NEK5: variants seen among roughly 807,000 people sequenced by gnomAD.
The protein encoded by NEK5 is serine/threonine-protein kinase Nek5.
NEK5 carries 88 observed loss-of-function variants against 109.2 expected under a neutral mutation model. The ratio of observed to expected loss-of-function variants is 0.81; its 90% confidence interval spans 0.68 to 0.96. The LOEUF (loss-of-function observed/expected upper bound fraction) is 0.96, where lower values mean the gene tolerates loss of function less well. NEK5 is among the 40% of genes least tolerant of loss of function. The pLI is 0.00. For missense variants in NEK5, 834 were observed against 920.7 expected, an observed-to-expected ratio of 0.91 and a Z score of 1.22; for synonymous variants, 283 against 299.9, an observed-to-expected ratio of 0.94 and a Z score of 0.58.
intron 21 of NEK5, 94 bp downstream of exon 21, chr13:52,065,390 T>C (rs1166060783): frequency 2.6e-6 from 4 of 1,532,930 alleles, no homozygotes; most frequent in African/African-American, 1.4e-5. Flanking sequence ...ATAGGGTGTA[T>C]AGTGAGAAGT....
intron 23 of NEK5, among the ~76,000 whole-genome samples, chr13:52,038,374 G>A (rs1188773895): frequency 2.0e-5 from 3 of 152,132 alleles, no homozygotes; most frequent in African/African-American, 4.8e-5. Flanking sequence ...AGAAAGAGCT[G>A]ATAAGAGCCA....
At chr13:52,119,251 A>C (rs1220993653) in intron 4 of NEK5, 68 bp downstream of exon 4, 1 of 828,166 alleles carries the variant, frequency 1.2e-6, no homozygotes, top group East Asian at 2.6e-5. Context: ...CTTAGGAACA[A>C]ATCTTTTTAC....
chr13:52,061,200 G>C (rs766246495), intron 22 of NEK5, among the ~76,000 whole-genome samples: 1 of 152,176 alleles, frequency 6.6e-6, no homozygotes. Context: ...ACACAGCGTA[G>C]ATCTCTCACA....
At chr13:52,127,746 A>C (rs1010856080) in intron 1 of NEK5, 84 bp from the exon 2 acceptor site, 1 of 352,804 alleles carries the variant, frequency 2.8e-6, no homozygotes, top group Non-Finnish European at 5.1e-6. Context: ...CGGGTAAGTC[A>C]CTTAACCTGG....
At chr13:52,077,605 C>G (rs192495248) in intron 17 of NEK5, among the ~76,000 whole-genome samples, 5 of 152,248 alleles carry the variant, frequency 3.3e-5, no homozygotes, top group African/African-American at 9.6e-5. Flanking sequence ...GAGAGCTGCA[C>G]AGAGAGAACT....
chr13:52,052,550 T>C (rs1954516568), intron 22 of NEK5, among the ~76,000 whole-genome samples: 1 of 152,202 alleles, frequency 6.6e-6, no homozygotes, highest in Non-Finnish European at 1.5e-5. Flanking sequence ...TTTCCCTCTT[T>C]GTGGGGGACC....
intron 17 of NEK5, among the ~76,000 whole-genome samples, chr13:52,081,056 G>C (rs1955002929): frequency 6.6e-6 from 1 of 151,900 alleles, no homozygotes; most frequent in African/African-American, 2.4e-5. Context: ...TGAGCAATGA[G>C]GCTGGAACAT....
rs1196176840 is a variant in NEK5 at position 52,087,423 on chromosome 13, T to C, written c.1307A>G (p.Tyr436Cys). The change falls in exon 15 of 24, where the codon TAC (tyrosine) becomes TGC (cysteine). Residue 436 changes from tyrosine (Y) to cysteine (C), a missense_variant. Physicochemically the swap from Tyr to Cys is radical, Grantham distance 194. Transcript: ENST00000684899. ...GLRPSSAEPN[Y>C]NQRQELRSNG... ...ACTTCTTAGCTCTTGTCTCTGGTTG[T>C]AATTTGGCTCGGCAGAAGATGGACG... 3.1e-6 allele frequency: 5 copies of C among 1,610,358 alleles called. No homozygotes were observed. The highest frequency in any genetic ancestry group is 4.2e-6 in the Non-Finnish European group (5 of 1,177,132).
intron 11 of NEK5, among the ~76,000 whole-genome samples, chr13:52,100,131 G>T (rs961837816): frequency 6.6e-6 from 1 of 151,936 alleles, no homozygotes; most frequent in African/African-American, 2.4e-5. Context: ...CAGAAAAATA[G>T]AAATTAATAT....
chr13:52,107,813 C>T (rs2138046274), intron 8 of NEK5, among the ~76,000 whole-genome samples: 1 of 152,228 alleles, frequency 6.6e-6, no homozygotes, highest in East Asian at 1.9e-4. Context: ...TGCAGGAACT[C>T]CCTAAACCTC....
chr13:52,093,664 CT>C (rs911352553), intron 12 of NEK5, among the ~76,000 whole-genome samples: 15 of 151,974 alleles, frequency 9.9e-5, no homozygotes, highest in Middle Eastern at 3.4e-3. Flanking sequence ...TTCTTCTATA[CT>C]TTTTTTTCCA....
intron 12 of NEK5, among the ~76,000 whole-genome samples, chr13:52,097,005 C>T (rs1055188098): frequency 6.6e-5 from 10 of 152,178 alleles, no homozygotes; most frequent in African/African-American, 1.9e-4. Context: ...ATGGTTAAAA[C>T]GGCCCAAGGT....
chr13:52,058,331 T>C (rs61958809), intron 22 of NEK5, among the ~76,000 whole-genome samples: 59,168 of 144,772 alleles, frequency 0.41, 13,800 homozygotes, highest in Non-Finnish European at 0.53. Flanking sequence ...GAACATTCTA[T>C]GCTCATGGGT....
At chr13:52,117,502 T>C (rs1223023414) in intron 4 of NEK5, among the ~76,000 whole-genome samples, 2 of 152,206 alleles carry the variant, frequency 1.3e-5, no homozygotes, top group Non-Finnish European at 2.9e-5. Flanking sequence ...GCAGAGGTTA[T>C]GTATACTGTA....
intron 20 of NEK5, 82 bp from the exon 21 acceptor site, chr13:52,065,691 G>A: frequency 1.0e-6 from 1 of 982,186 alleles, no homozygotes; most frequent in South Asian, 1.4e-5. Context: ...GGAACTCAGA[G>A]GCAGTTTATC....
At chr13:52,105,375 G>C (rs1030984016) in intron 8 of NEK5, among the ~76,000 whole-genome samples, 3 of 151,796 alleles carry the variant, frequency 2.0e-5, no homozygotes, top group Non-Finnish European at 1.5e-5. Flanking sequence ...CAAATTTGTG[G>C]GATTTTTTTT....
At chr13:52,073,224 G>A (rs1954810999) in intron 19 of NEK5, among the ~76,000 whole-genome samples, 1 of 151,938 alleles carries the variant, frequency 6.6e-6, no homozygotes, top group Non-Finnish European at 1.5e-5. Flanking sequence ...AAATTAAAAT[G>A]TAATAATTTA....
At chr13:52,083,167 C>A in intron 17 of NEK5, 93 bp downstream of exon 17, 1 of 827,170 alleles carries the variant, frequency 1.2e-6, no homozygotes, top group Non-Finnish European at 2.0e-6. Context: ...AAAAAGTTCC[C>A]TACGTGGTTC....
intron 22 of NEK5, among the ~76,000 whole-genome samples, chr13:52,055,215 T>C (rs1271662933): frequency 1.3e-5 from 2 of 151,936 alleles, no homozygotes; most frequent in Non-Finnish European, 2.9e-5. Context: ...GAAGATCAAA[T>C]GAATGAAATG....
Sources: gnomAD v4.1 joint callset for allele counts (sites outside exome capture counted in the v4.1 genomes callset) on GRCh38, gnomAD v4.1.1 for gene constraint, MANE v1.5 for transcripts, NCBI Gene and HGNC (gene_info 2026-07-23, HGNC 2026-07-21) for gene names.